The following FLOT2 variants were observed in gnomAD, a reference collection of about 807,000 sequenced individuals.
FLOT2 encodes flotillin-2.
Under a neutral mutation model 54.9 loss-of-function variants are expected in FLOT2, and 35 were observed. That is an observed-to-expected ratio of 0.64 (90% CI 0.49 to 0.84). The LOEUF (loss-of-function observed/expected upper bound fraction) is 0.84, where lower values mean the gene tolerates loss of function less well. Among genes scored for constraint, FLOT2 ranks in the 40% least tolerant of loss-of-function variants. FLOT2 has a pLI of 0.00. For missense variants in FLOT2, 464 were observed against 572.1 expected, an observed-to-expected ratio of 0.81 and a Z score of 1.93; for synonymous variants, 207 against 228.9, an observed-to-expected ratio of 0.90 and a Z score of 0.86.
rs367833517 is a variant in FLOT2, at chr17:28,881,857, C to T, written c.871G>A (p.Glu291Lys). The T allele has an allele frequency of 5.3e-5, 86 of 1,613,390 alleles. No individual in the cohort carries two copies. Among genetic ancestry groups the T allele is most frequent in the Middle Eastern group, 1.6e-4 (1 of 6,084 alleles). Residue 291 changes from glutamate (E) to lysine (K), a missense_variant, in exon 8 of 11, where the codon GAG becomes AAG. By Grantham distance (56) the Glu-to-Lys change is moderately conservative (BLOSUM62 1). Coordinates refer to ENST00000394908, the MANE Select transcript of FLOT2 (RefSeq NM_004475.3). ...ELIATVRRPA[E>K]AEAHRIQQIA... ...TGCTGGATGCGGTGGGCCTCGGCCTCGGCAGGCCGGCGCACTGTAGCGATG... is the reference window on the plus strand; with the variant it reads ...TGCTGGATGCGGTGGGCCTCGGCCTTGGCAGGCCGGCGCACTGTAGCGATG...
chr17:28,882,089 C>T lies in FLOT2; in HGVS notation c.699+29G>A, dbSNP rs765806871. ...GTCACCAAGTCCTGATCCCTGAGCC[C>T]CATCCCAGGATGTCCTCAGGCTGCT... is the stretch of plus-strand genomic sequence containing the variant. On this transcript the variant is annotated intron_variant, in intron 7 of 10. Coordinates refer to ENST00000394908, the MANE Select transcript of FLOT2 (RefSeq NM_004475.3). The surrounding 1 kb of genome is among the most constrained non-coding windows in gnomAD (Gnocchi z 5.6). The T allele has an allele frequency of 1.2e-6, 2 of 1,613,768 alleles. No homozygotes were observed. The highest frequency in any genetic ancestry group is 1.7e-6 in the Non-Finnish European group (2 of 1,179,716).
chr17:28,893,088 C>T (rs1430230801), intron 1 of FLOT2: 3 of 152,260 alleles, frequency 2.0e-5, no homozygotes, highest in Non-Finnish European at 2.9e-5. Flanking sequence ...TTACCCGCCC[C>T]TACCAGCATC....
chr17:28,880,809 G>A lies in FLOT2; in HGVS notation c.1152C>T (p.Leu384=), dbSNP rs771163650. ...ATGTGACCTTACTGTTGTCTCCACTGAGGACCACAATCTCATCGACCTTGG... is the reference window on the plus strand; with the variant it reads ...ATGTGACCTTACTGTTGTCTCCACTAAGGACCACAATCTCATCGACCTTGG... ...PLTKVDEIVV[L]SGDNSKVTSE... The change falls in exon 10 of 11, where the codon CTC becomes CTT. Residue 384 remains leucine (L), a synonymous_variant. Transcript: ENST00000394908. 3 of 1,614,040 alleles carry A rather than the reference G, an allele frequency of 1.9e-6. No individual in the cohort carries two copies. Among genetic ancestry groups the A allele is most frequent in the Non-Finnish European group, 2.5e-6 (3 of 1,180,022 alleles).
intron 8 of FLOT2, 90 bp from the exon 9 acceptor site, chr17:28,881,465 G>A (rs1285594830): frequency 1.5e-6 from 2 of 1,316,242 alleles, no homozygotes; most frequent in East Asian, 2.3e-5. Flanking sequence ...CAAACCCTCT[G>A]CTCTGGGGGC....
intron 2 of FLOT2, among the ~76,000 whole-genome samples, chr17:28,888,434 C>T (rs1290999973): frequency 6.6e-6 from 1 of 152,194 alleles, no homozygotes; most frequent in Non-Finnish European, 1.5e-5. Flanking sequence ...CCCTCCCTGT[C>T]TAACTTACCA....
At chr17:28,895,405 G>A (rs1465616021) in intron 1 of FLOT2, among the ~76,000 whole-genome samples, 2 of 151,718 alleles carry the variant, frequency 1.3e-5, no homozygotes, top group Non-Finnish European at 1.5e-5. Flanking sequence ...ATGCTTACAA[G>A]CGTGCATCAC....
Position 28,882,782 on chromosome 17 carries a change from G to C in FLOT2, c.347-91C>G. The C allele has an allele frequency of 1.2e-6, 1 of 848,132 alleles. No homozygotes were observed. The highest frequency in any genetic ancestry group is 2.0e-6 in the Non-Finnish European group (1 of 509,578). 52.5% of individuals were successfully genotyped at this position (848,132 alleles called of 1,614,324 possible). On this transcript the variant is annotated intron_variant, in intron 4 of 10. Transcript: ENST00000394908. The surrounding 1 kb of genome is among the most constrained non-coding windows in gnomAD (Gnocchi z 5.6). The stretch of plus-strand genomic sequence containing the variant: ...TGCATGTAGAGGTAGGGGTGCATGC[G>C]GGGTGCTGCACTCTGAGCTGGGTCT...
In FLOT2 at chr17:28,882,860, C is replaced by T. The variant is rs2039479615; in HGVS notation, c.347-169G>A. On this transcript the variant is annotated intron_variant, in intron 4 of 10. Coordinates refer to ENST00000394908, the MANE Select transcript of FLOT2 (RefSeq NM_004475.3). This position sits in a 1 kb window ranked among gnomAD's most constrained non-coding sequence, Gnocchi z 5.6. The stretch of plus-strand genomic sequence containing the variant: ...AACACCGAGCTTCCTGCTGCACAGT[C>T]CAGGCTGAATGAGGAAAAGTGTCCC... 9.3e-6 allele frequency: 6 copies of T among 645,478 alleles called. No homozygotes were observed. Among genetic ancestry groups the T allele is most frequent in the Non-Finnish European group, 1.6e-5 (6 of 371,326 alleles). 40.0% of individuals were successfully genotyped at this position (645,478 alleles called of 1,614,324 possible).
Position 28,881,178 on chromosome 17 carries a change from G to C in FLOT2, c.1098+14C>G. 1 of 1,610,626 alleles carries C rather than the reference G, an allele frequency of 6.2e-7. No homozygotes were observed. The highest frequency in any genetic ancestry group is 8.5e-7 in the Non-Finnish European group (1 of 1,178,156). On this transcript the variant is annotated intron_variant, in intron 9 of 10. Coordinates refer to ENST00000394908, the MANE Select transcript of FLOT2 (RefSeq NM_004475.3). ...ACACTTGAACCCTAGGACCCGCTTG[G>C]GTGGAAGCCTCACCTGGGGCAGGGC... is the stretch of plus-strand genomic sequence containing the variant.
At chr17:28,893,304 A>AC (rs1449626727) in intron 1 of FLOT2, 1 of 150,904 alleles carries the variant, frequency 6.6e-6, no homozygotes, top group African/African-American at 2.4e-5. Flanking sequence ...ACCACAAAAT[A>AC]CCCCACGATA....
In FLOT2 at chr17:28,882,735, C is replaced by T; in HGVS notation, c.347-44G>A. ...AGGGCTGGCTCCCCAGGGACCCAGC[C>T]AGCTGGGGAAGGGAGGAGGCATGCA... On this transcript the variant is annotated intron_variant, in intron 4 of 10. Transcript: ENST00000394908. The surrounding 1 kb of genome is among the most constrained non-coding windows in gnomAD (Gnocchi z 5.6). The T allele has an allele frequency of 7.5e-7, 1 of 1,335,138 alleles. No homozygotes were observed. Among genetic ancestry groups the T allele is most frequent in the Non-Finnish European group, 1.1e-6 (1 of 929,770 alleles). 82.7% of individuals were successfully genotyped at this position (1,335,138 alleles called of 1,614,324 possible).
In FLOT2 at chr17:28,897,064, CTG is replaced by C. The variant is rs2039753850; in HGVS notation, c.49+460_49+461del. ...GCCTGCTTGGAATTAACGGGTCTGA[CTG>C]TGCCGAGAAACGACCTCTGTTTCAG... is the stretch of plus-strand genomic sequence containing the variant. On this transcript the variant is annotated intron_variant, in intron 1 of 10. Coordinates refer to ENST00000394908, the MANE Select transcript of FLOT2 (RefSeq NM_004475.3). This position sits in a 1 kb window ranked among gnomAD's most constrained non-coding sequence, Gnocchi z 4.4. 6.6e-6 allele frequency among the ~76,000 whole-genome samples: 1 copy of C among 152,244 alleles called. No individual in the cohort carries two copies. The highest frequency in any genetic ancestry group is 6.5e-5 in the Admixed American group (1 of 15,284).
At chr17:28,890,555 T>A (rs570099248) in intron 1 of FLOT2, among the ~76,000 whole-genome samples, 13 of 152,096 alleles carry the variant, frequency 8.5e-5, no homozygotes, top group African/African-American at 3.1e-4. Flanking sequence ...CCCAGCTAAT[T>A]TTTTGTATTT....
chr17:28,892,452 C>T (rs1366918692), intron 1 of FLOT2: 5 of 151,490 alleles, frequency 3.3e-5, no homozygotes, highest in African/African-American at 1.2e-4. Flanking sequence ...ACGCCATTCT[C>T]CTGCCTCAGC....
chr17:28,896,038 GC>G, intron 1 of FLOT2, among the ~76,000 whole-genome samples: 1 of 152,282 alleles, frequency 6.6e-6, no homozygotes, highest in East Asian at 1.9e-4. Flanking sequence ...GTATCATTGT[GC>G]CAGGCATTAT....
Position 28,897,676 on chromosome 17 carries a change from G to C in FLOT2, c.-102C>G. 1 of 1,085,524 alleles carries C rather than the reference G, an allele frequency of 9.2e-7. No homozygotes were observed. Among genetic ancestry groups the C allele is most frequent in the Non-Finnish European group, 1.2e-6 (1 of 840,214 alleles). 67.2% of individuals were successfully genotyped at this position (1,085,524 alleles called of 1,614,324 possible). ...CCAGCCTATCCCGCCACCCCCAGCG[G>C]CCGGCCGCCCGCTCGCTCGCCCGCG... On this transcript the variant is annotated 5_prime_UTR_variant, in exon 1 of 11. Transcript: ENST00000394908. The surrounding 1 kb of genome is among the most constrained non-coding windows in gnomAD (Gnocchi z 4.4).
chr17:28,881,494 T>A, intron 8 of FLOT2, 119 bp from the exon 9 acceptor site: 2 of 1,060,082 alleles, frequency 1.9e-6, no homozygotes, highest in Non-Finnish European at 2.8e-6. Context: ...TGGGAGACAT[T>A]GGAACGGAGT....
At position 28,897,271 on chromosome 17, in the gene FLOT2, G is replaced by T. The variant is rs2039758165; in HGVS notation, c.49+255C>A. On this transcript the variant is annotated intron_variant, in intron 1 of 10. Transcript: ENST00000394908. This position sits in a 1 kb window ranked among gnomAD's most constrained non-coding sequence, Gnocchi z 4.4. ...GTAGAGCGGCGGGGAGGCCCGCCTA[G>T]GGAGGGGGAGGAGAAGCAAATAAAC... Among the ~76,000 whole-genome samples, 1 of 152,354 alleles carries T rather than the reference G, an allele frequency of 6.6e-6. No individual in the cohort carries two copies. The highest frequency in any genetic ancestry group is 1.9e-4 in the East Asian group (1 of 5,186).
intron 1 of FLOT2, among the ~76,000 whole-genome samples, chr17:28,895,476 C>T (rs1200272417): frequency 2.6e-5 from 4 of 151,938 alleles, no homozygotes; most frequent in South Asian, 2.1e-4. Flanking sequence ...TTAGCCAGAA[C>T]GGTCTCCAAC....
Sources: gnomAD v4.1 joint callset for allele counts (sites outside exome capture counted in the v4.1 genomes callset) on GRCh38, gnomAD v4.1.1 for gene constraint, Gnocchi (gnomAD v3.1) non-coding constraint, MANE v1.5 for transcripts, NCBI Gene and HGNC (gene_info 2026-07-23, HGNC 2026-07-21) for gene names.